The following GLMN variants were observed in gnomAD, a reference collection of about 807,000 sequenced individuals.
GLMN encodes the protein glomulin.
Under a neutral mutation model 87.8 loss-of-function variants are expected in GLMN, and 75 were observed. The observed-to-expected ratio is 0.85, with a 90% CI of 0.71 to 1.04. The LOEUF (loss-of-function observed/expected upper bound fraction) is 1.04, where lower values mean the gene tolerates loss of function less well. Ranked by LOEUF, GLMN falls within the 50% of genes least tolerant of loss-of-function variation. The pLI is 0.00. For missense variants in GLMN, 588 were observed against 658.8 expected, an observed-to-expected ratio of 0.89 and a Z score of 1.18; for synonymous variants, 206 against 221.6, an observed-to-expected ratio of 0.93 and a Z score of 0.63.
chr1:92,332,373 A>G, the GLMN span, among the ~76,000 whole-genome samples: 1 of 152,038 alleles, frequency 6.6e-6, no homozygotes, highest in African/African-American at 2.4e-5. Flanking sequence ...TTTTTCTTTG[A>G]ATATATTAAA....
intron 16 of GLMN, among the ~76,000 whole-genome samples, chr1:92,260,447 C>A (rs956149070): frequency 9.9e-5 from 15 of 152,000 alleles, no homozygotes; most frequent in East Asian, 9.7e-4. Context: ...GAAACCCCAT[C>A]TCTAGTAAAA....
At chr1:92,287,529 C>T (rs1570960756) in intron 6 of GLMN, among the ~76,000 whole-genome samples, 1 of 151,430 alleles carries the variant, frequency 6.6e-6, no homozygotes. Flanking sequence ...TTTGTAGAGA[C>T]AGGGTCTCAC....
intron 7 of GLMN, among the ~76,000 whole-genome samples, chr1:92,284,301 C>T (rs1330584345): frequency 6.6e-6 from 1 of 152,078 alleles, no homozygotes; most frequent in Non-Finnish European, 1.5e-5. Flanking sequence ...GAACAGAGGC[C>T]TCAGAAATAA....
At chr1:92,278,623 G>A (rs957561530) in intron 7 of GLMN, among the ~76,000 whole-genome samples, 6 of 151,996 alleles carry the variant, frequency 3.9e-5, no homozygotes, top group South Asian at 4.2e-4. Flanking sequence ...TTGTACCACT[G>A]AGCCTGGGAA....
At chr1:92,366,996 G>T in the GLMN span, among the ~76,000 whole-genome samples, 4 of 152,178 alleles carry the variant, frequency 2.6e-5, no homozygotes, top group Non-Finnish European at 5.9e-5. Context: ...GATAAAATAT[G>T]GGTAAGGTGA....
chr1:92,361,047 A>G, the GLMN span, among the ~76,000 whole-genome samples: 7 of 151,510 alleles, frequency 4.6e-5, no homozygotes, highest in Admixed American at 2.0e-4. Context: ...TTTTAGGAAC[A>G]TAAACATGTA....
the GLMN span, among the ~76,000 whole-genome samples, chr1:92,330,163 C>A: frequency 5.6e-4 from 85 of 152,270 alleles, 1 homozygote; most frequent in African/African-American, 1.9e-3. Context: ...GCAAGGAAGC[C>A]CATTGATGCA....
chr1:92,332,830 T>C, the GLMN span, among the ~76,000 whole-genome samples: 1 of 152,160 alleles, frequency 6.6e-6, no homozygotes, highest in Non-Finnish European at 1.5e-5. Flanking sequence ...ATTAGTGCTC[T>C]ATCTGTAATT....
At chr1:92,333,454 C>T in the GLMN span, 11 of 1,612,918 alleles carry the variant, frequency 6.8e-6, no homozygotes, top group African/African-American at 6.7e-5. Context: ...ACGCATCGTA[C>T]TTGAAAAGTT....
rs1490724890 is a variant in GLMN, at chr1:92,298,958, A to C, written c.-64T>G. Reference sequence around the variant, plus strand: ...ACCCTCGCCTCTCCCAGCCGCCGCCACCTCCTCCGGCGTCTTAGCCCGCTC... The same window carrying C: ...ACCCTCGCCTCTCCCAGCCGCCGCCCCCTCCTCCGGCGTCTTAGCCCGCTC... On this transcript the variant is annotated 5_prime_UTR_variant, in exon 1 of 19. Coordinates refer to ENST00000370360, the MANE Select transcript of GLMN (RefSeq NM_053274.3). 4 of 497,074 alleles carry C rather than the reference A, an allele frequency of 8.0e-6. No individual in the cohort carries two copies. In the Admixed American group the frequency reaches 1.6e-4, roughly 19 times the overall value. The allele number at this position is 497,074 out of a possible 1,614,324, so 30.8% of individuals were successfully genotyped here. A position where few individuals can be genotyped will look rare whatever the true frequency, so the allele number is the denominator to read the frequency against.
chr1:92,358,805 C>G, the GLMN span, among the ~76,000 whole-genome samples: 2 of 152,276 alleles, frequency 1.3e-5, no homozygotes, highest in South Asian at 2.1e-4. Flanking sequence ...CCAGGCTGGT[C>G]TTGAACTCCT....
chr1:92,292,735 T>TC (rs1225379754), intron 3 of GLMN, among the ~76,000 whole-genome samples: 4 of 145,440 alleles, frequency 2.8e-5, no homozygotes, highest in African/African-American at 9.9e-5. Flanking sequence ...TTCTTTTCTT[T>TC]TTTTTTTTTT....
Position 92,298,962 on chromosome 1 carries a change from C to T in GLMN, c.-68G>A. 1 of 505,956 alleles carries T rather than the reference C, an allele frequency of 2.0e-6. No homozygotes were observed. Among genetic ancestry groups the T allele is most frequent in the East Asian group, 3.4e-5 (1 of 29,160 alleles). 31.3% of individuals were successfully genotyped at this position (505,956 alleles called of 1,614,324 possible). On this transcript the variant is annotated 5_prime_UTR_variant, in exon 1 of 19. Transcript: ENST00000370360. The stretch of plus-strand genomic sequence containing the variant: ...TCGCCTCTCCCAGCCGCCGCCACCT[C>T]CTCCGGCGTCTTAGCCCGCTCTTCT...
At chr1:92,344,926 AT>A in the GLMN span, among the ~76,000 whole-genome samples, 1 of 152,084 alleles carries the variant, frequency 6.6e-6, no homozygotes, top group African/African-American at 2.4e-5. Flanking sequence ...ATATTTTCTT[AT>A]TGATTTATAT....
At chr1:92,305,867 G>T in the GLMN span, among the ~76,000 whole-genome samples, 4 of 152,184 alleles carry the variant, frequency 2.6e-5, no homozygotes, top group Non-Finnish European at 5.9e-5. Flanking sequence ...GCCTTTTTGA[G>T]AAATGGCTTG....
intron 16 of GLMN, among the ~76,000 whole-genome samples, chr1:92,258,405 AT>A (rs1654538994): frequency 2.0e-5 from 3 of 152,238 alleles, no homozygotes; most frequent in Non-Finnish European, 2.9e-5. Context: ...ATTACTGGGT[AT>A]ATACCCAAAA....
chr1:92,303,212 G>T (rs1650984523), upstream of GLMN, among the ~76,000 whole-genome samples: 1 of 152,102 alleles, frequency 6.6e-6, no homozygotes. Context: ...ATATGAACAT[G>T]ACAATTCATA....
rs768310862 is a variant in GLMN at position 92,271,768 on chromosome 1, T to C, written c.736-116A>G. The C allele has an allele frequency of 1.8e-5, 13 of 734,028 alleles. 1 individual carries two copies. The highest frequency in any genetic ancestry group is 3.2e-5 in the Non-Finnish European group (13 of 412,198). 45.5% of individuals were successfully genotyped at this position (734,028 alleles called of 1,614,324 possible). A position where few individuals can be genotyped will look rare whatever the true frequency, so the allele number is the denominator to read the frequency against. ...GAGGTGTAATCACTCCCTTTGAGCG[T>C]GAGTGGGACCTATGAGACTTGCTTT... On this transcript the variant is annotated intron_variant, in intron 7 of 18. Transcript: ENST00000370360.
At chr1:92,288,622 T>TTG (rs1649047795) in intron 6 of GLMN, among the ~76,000 whole-genome samples, 1 of 151,904 alleles carries the variant, frequency 6.6e-6, no homozygotes, top group South Asian at 2.1e-4. Context: ...GAGATGGGGG[T>TTG]CTCACTATGT....
Sources: gnomAD v4.1 joint callset for allele counts (sites outside exome capture counted in the v4.1 genomes callset) on GRCh38, gnomAD v4.1.1 for gene constraint, MANE v1.5 for transcripts, NCBI Gene and HGNC (gene_info 2026-07-23, HGNC 2026-07-21) for gene names.